Variants in CCDC186 observed in about 807,000 individuals in gnomAD.
The protein encoded by CCDC186 is coiled-coil domain containing 186.
In CCDC186, 49 loss-of-function variants were observed where a neutral mutation model predicts 113.7. The ratio of observed to expected loss-of-function variants is 0.43; its 90% CI spans 0.34 to 0.55. The LOEUF (loss-of-function observed/expected upper bound fraction) is 0.55, where lower values mean the gene tolerates loss of function less well. Ranked by LOEUF, CCDC186 falls within the 20% of genes least tolerant of loss-of-function variation. CCDC186 has a pLI of 0.02. For synonymous variants in CCDC186, 355 were observed against 345.8 expected (o/e 1.03, Z -0.30); for missense variants, 890 against 1,011.1 (o/e 0.88, Z 1.62).
intron 13 of CCDC186, among the ~76,000 whole-genome samples, chr10:114,128,246 T>C (rs1350607817): frequency 6.6e-6 from 1 of 152,242 alleles, no homozygotes; most frequent in Non-Finnish European, 1.5e-5. Flanking sequence ...CATTATGTAG[T>C]GTTAGGTATT....
chr10:114,155,707 A>C (rs938007054), intron 3 of CCDC186, among the ~76,000 whole-genome samples: 1 of 152,174 alleles, frequency 6.6e-6, no homozygotes, highest in Non-Finnish European at 1.5e-5. Context: ...AAAATAAAAA[A>C]TAAAAATTAC....
chr10:114,140,058 A>G (rs2031416951), intron 6 of CCDC186, among the ~76,000 whole-genome samples: 1 of 152,238 alleles, frequency 6.6e-6, no homozygotes, highest in Admixed American at 6.5e-5. Flanking sequence ...GCATTGTTCT[A>G]TGCTCCAGGG....
chr10:114,152,868 A>C (rs1334339548), intron 3 of CCDC186, among the ~76,000 whole-genome samples: 1 of 152,216 alleles, frequency 6.6e-6, no homozygotes, highest in African/African-American at 2.4e-5. Context: ...AAAATTAAGA[A>C]TGTTACCAGA....
At position 114,124,100 on chromosome 10, in the gene CCDC186, C is replaced by T. The variant is rs553434168; in HGVS notation, c.*1043G>A. The T allele has an allele frequency of 6.6e-6, 1 of 152,392 alleles. No individual in the cohort carries two copies. The highest frequency in any genetic ancestry group is 1.5e-5 in the Non-Finnish European group (1 of 68,098). 9.4% of individuals were successfully genotyped at this position (152,392 alleles called of 1,614,324 possible). Reference sequence around the variant, plus strand: ...TCCTGGCCTCAGGTAATCCTCCTGCCTTGGCTTCCCAAAGTGCTGGGATTA... The same window carrying T: ...TCCTGGCCTCAGGTAATCCTCCTGCTTTGGCTTCCCAAAGTGCTGGGATTA... On this transcript the variant is annotated 3_prime_UTR_variant, in exon 16 of 16. Transcript: ENST00000369287.
At position 114,151,658 on chromosome 10, in the gene CCDC186, T is replaced by C. The variant is rs956254767; in HGVS notation, c.760-438A>G. ...TCACTGAGACTGTGAGTCATCCCTTTGTCCAGCATGTCTGCATTGTACACA... is the reference window on the plus strand; with the variant it reads ...TCACTGAGACTGTGAGTCATCCCTTCGTCCAGCATGTCTGCATTGTACACA... On this transcript the variant is annotated intron_variant, in intron 3 of 15. Coordinates refer to ENST00000369287, the MANE Select transcript of CCDC186 (RefSeq NM_018017.4). Among the ~76,000 whole-genome samples the C allele has an allele frequency of 2.0e-5, 3 of 152,236 alleles. No individual in the cohort carries two copies. In the East Asian group the frequency reaches 5.8e-4, roughly 29 times the overall value.
chr10:114,165,583 C>T (rs1261379879), intron 1 of CCDC186, among the ~76,000 whole-genome samples: 2 of 152,128 alleles, frequency 1.3e-5, no homozygotes, highest in Admixed American at 6.5e-5. Context: ...CCCAGCTACT[C>T]GGGGAGCTGA....
chr10:114,123,255 ATTATG>A lies in CCDC186; in HGVS notation c.*1883_*1887del, dbSNP rs1468871625. 3.3e-5 allele frequency: 5 copies of A among 152,626 alleles called. No individual in the cohort carries two copies. Among genetic ancestry groups the A allele is most frequent in the Non-Finnish European group, 5.9e-5 (4 of 68,028 alleles). 9.5% of individuals were successfully genotyped at this position (152,626 alleles called of 1,614,324 possible). On this transcript the variant is annotated 3_prime_UTR_variant, in exon 16 of 16. Coordinates refer to ENST00000369287, the MANE Select transcript of CCDC186 (RefSeq NM_018017.4). ...ATTATTGGTAAAAAGAACAAGACAC[ATTATG>A]TTAAGACTAATACTTTTTATAACTA...
intron 1 of CCDC186, among the ~76,000 whole-genome samples, chr10:114,164,114 A>ATATT (rs1478462193): frequency 1.4e-4 from 11 of 79,226 alleles, no homozygotes; most frequent in East Asian, 3.6e-4. Context: ...ATATATATAT[A>ATATT]TTTTTTTTTT....
In CCDC186 at chr10:114,149,834, C is replaced by A. The variant is rs148612171; in HGVS notation, c.888+1258G>T. On this transcript the variant is annotated intron_variant, in intron 4 of 15. Coordinates refer to ENST00000369287, the MANE Select transcript of CCDC186 (RefSeq NM_018017.4). ...GAAGGAAGGCAGGAAGGCAGGAAGGCAGGAAGGCAGGCAGGCAGGCAGGAA... is the reference window on the plus strand; with the variant it reads ...GAAGGAAGGCAGGAAGGCAGGAAGGAAGGAAGGCAGGCAGGCAGGCAGGAA... Among the ~76,000 whole-genome samples the A allele has an allele frequency of 3.9e-3, 463 of 117,538 alleles. 16 individuals are homozygous for A. Among genetic ancestry groups the A allele is most frequent in the African/African-American group, 0.017 (439 of 25,396 alleles). 77.1% of individuals were successfully genotyped at this position (117,538 alleles called of 152,430 possible).
At chr10:114,168,171 C>T (rs1589635341) in intron 1 of CCDC186, 2 of 152,178 alleles carry the variant, frequency 1.3e-5, no homozygotes, top group East Asian at 3.9e-4. Context: ...GTTTCTGACA[C>T]AGTACTACAG....
Position 114,125,099 on chromosome 10 carries a change from A to C in CCDC186, c.*44T>G, listed in dbSNP as rs749312327. The C allele has an allele frequency of 2.6e-5, 37 of 1,413,310 alleles. No homozygotes were observed. In the East Asian group the frequency reaches 5.8e-4, roughly 22 times the overall value. The allele number at this position is 1,413,310 out of a possible 1,614,324, so 87.5% of individuals were successfully genotyped here. A position where few individuals can be genotyped will look rare whatever the true frequency, so the allele number is the denominator to read the frequency against. On this transcript the variant is annotated 3_prime_UTR_variant, in exon 16 of 16. Transcript: ENST00000369287. ...CCAACAATAGAGGTCAGTGGCACCT[A>C]CTCCTGTGTGGCTTTTGTCTCTTTA...
chr10:114,164,808 G>A (rs1018121267), intron 1 of CCDC186, among the ~76,000 whole-genome samples: 7 of 152,230 alleles, frequency 4.6e-5, no homozygotes, highest in Non-Finnish European at 8.8e-5. Context: ...GATAAAGGTG[G>A]TTATCAGAGG....
rs776521944 is a variant in CCDC186 at position 114,131,988 on chromosome 10, A to G, written c.1852T>C (p.Cys618Arg). The change falls in exon 11 of 16, where the codon TGT becomes CGT. Residue 618 changes from cysteine (C) to arginine (R), a missense_variant. Physicochemically the swap from Cys to Arg is radical, Grantham distance 180. Transcript: ENST00000369287. ...SLQSQFDKVS[C>R]SESQLQSQCE... ...TGGCTTTGTAACTGACTTTCACTACAGGAAACTTTATCAAATTGTGACTGC... is the reference window on the plus strand; with the variant it reads ...TGGCTTTGTAACTGACTTTCACTACGGGAAACTTTATCAAATTGTGACTGC... 5.6e-6 allele frequency: 9 copies of G among 1,613,056 alleles called. No homozygotes were observed. Among genetic ancestry groups the G allele is most frequent in the Non-Finnish European group, 7.6e-6 (9 of 1,179,568 alleles).
intron 1 of CCDC186, among the ~76,000 whole-genome samples, chr10:114,170,017 C>A (rs943562390): frequency 6.6e-6 from 1 of 152,096 alleles, no homozygotes; most frequent in Non-Finnish European, 1.5e-5. Context: ...CCCACTTAAG[C>A]CTCCCAAGTA....
Position 114,164,110 on chromosome 10 carries a change from A to ATTT in CCDC186, c.-61-782_-61-781insAAA, listed in dbSNP as rs1218024203. Among the ~76,000 whole-genome samples the ATTT allele has an allele frequency of 4.6e-4, 48 of 103,400 alleles. 4 individuals are homozygous for ATTT. Among genetic ancestry groups the ATTT allele is most frequent in the African/African-American group, 1.8e-3 (47 of 25,908 alleles). The allele number at this position is 103,400 out of a possible 152,430, so 67.8% of individuals were successfully genotyped here. A position where few individuals can be genotyped will look rare whatever the true frequency, so the allele number is the denominator to read the frequency against. On this transcript the variant is annotated intron_variant, in intron 1 of 15. Coordinates refer to ENST00000369287, the MANE Select transcript of CCDC186 (RefSeq NM_018017.4). ...TGTGTGTGTGTGTGTGTGTATATATATATATTTTTTTTTTTTTTTTTTTTT... is the reference window on the plus strand; with the variant it reads ...TGTGTGTGTGTGTGTGTGTATATATATTTTATATTTTTTTTTTTTTTTTTTTTT...
intron 2 of CCDC186, 37 bp from the exon 3 acceptor site, chr10:114,157,717 T>C (rs2032053731): frequency 7.5e-6 from 11 of 1,473,942 alleles, no homozygotes; most frequent in Non-Finnish European, 1.0e-5. Context: ...AAAACATAAT[T>C]TAAAATGGAG....
intron 2 of CCDC186, among the ~76,000 whole-genome samples, chr10:114,159,488 C>A (rs1406373787): frequency 2.0e-5 from 3 of 151,554 alleles, no homozygotes; most frequent in Non-Finnish European, 4.4e-5. Context: ...ACTAAAAATA[C>A]AAAAATTAGC....
chr10:114,137,041 C>G (rs1223720543), intron 7 of CCDC186, 145 bp downstream of exon 7: 2 of 557,998 alleles, frequency 3.6e-6, no homozygotes, highest in Non-Finnish European at 6.3e-6. Flanking sequence ...CGCTTGTACC[C>G]GGGAGGCAGA....
rs2030780220 is a variant in CCDC186, at chr10:114,123,066, A to C, written c.*2077T>G. On this transcript the variant is annotated 3_prime_UTR_variant, in exon 16 of 16. Coordinates refer to ENST00000369287, the MANE Select transcript of CCDC186 (RefSeq NM_018017.4). ...TATACATTTTGTGCCTTGGGGAAAA[A>C]AATCCAAATATTGTAGTTTATGAAC... is the stretch of plus-strand genomic sequence containing the variant. The C allele has an allele frequency of 1.3e-5, 2 of 152,540 alleles. No individual in the cohort carries two copies. Among genetic ancestry groups the C allele is most frequent in the South Asian group, 2.1e-4 (1 of 4,826 alleles). 9.4% of individuals were successfully genotyped at this position (152,540 alleles called of 1,614,324 possible). A position where few individuals can be genotyped will look rare whatever the true frequency, so the allele number is the denominator to read the frequency against.
Sources: allele counts gnomAD v4.1 joint callset (sites outside exome capture counted in the v4.1 genomes callset), GRCh38; gene constraint gnomAD v4.1.1; transcripts MANE v1.5; gene names NCBI Gene and HGNC (gene_info 2026-07-23, HGNC 2026-07-21).